The following CADPS2 variants were observed in gnomAD, a reference collection of about 807,000 sequenced individuals.
CADPS2 encodes the protein calcium-dependent secretion activator 2.
Under a neutral mutation model 172.5 loss-of-function variants are expected in CADPS2, and 93 were observed. The observed-to-expected ratio is 0.54, with a 90% CI of 0.46 to 0.64. The LOEUF (loss-of-function observed/expected upper bound fraction) is 0.64, where lower values mean the gene tolerates loss of function less well. CADPS2 is among the 30% of genes least tolerant of loss of function. The probability of loss-of-function intolerance (pLI) is 0.00; values close to 1 mark genes in which losing one functional copy is unlikely to be tolerated. For synonymous variants in CADPS2, 546 were observed against 555.2 expected, an observed-to-expected ratio of 0.98 and a Z score of 0.23; for missense variants, 1,420 against 1,565.9, an observed-to-expected ratio of 0.91 and a Z score of 1.57.
chr7:122,604,575 T>C (rs2073243937), intron 6 of CADPS2, among the ~76,000 whole-genome samples: 1 of 152,088 alleles, frequency 6.6e-6, no homozygotes, highest in Non-Finnish European at 1.5e-5. Context: ...ATGACAACAC[T>C]AAAGTCTTTA....
At chr7:122,648,025 C>G (rs2078746172) in intron 3 of CADPS2, among the ~76,000 whole-genome samples, 2 of 152,096 alleles carry the variant, frequency 1.3e-5, no homozygotes, top group South Asian at 4.1e-4. Context: ...AGGAGTCTGC[C>G]CTTATCAAAG....
chr7:122,647,082 T>G (rs2078641282), intron 3 of CADPS2, among the ~76,000 whole-genome samples: 1 of 152,122 alleles, frequency 6.6e-6, no homozygotes, highest in African/African-American at 2.4e-5. Context: ...TTTCAGAAGT[T>G]TCATATCCAT....
In CADPS2 at chr7:122,731,775, T is replaced by C. The variant is rs535134834; in HGVS notation, c.453+5180A>G. On this transcript the variant is annotated intron_variant, in intron 2 of 29. Coordinates refer to ENST00000449022, the MANE Select transcript of CADPS2 (RefSeq NM_017954.11). Reference sequence around the variant, plus strand: ...TCAAGATTATAACTGCCAACTTTTATTAAGTAGTTAGGTATGCTACCTGCC... The same window carrying C: ...TCAAGATTATAACTGCCAACTTTTACTAAGTAGTTAGGTATGCTACCTGCC... 1.4e-4 allele frequency among the ~76,000 whole-genome samples: 21 copies of C among 151,884 alleles called. No individual in the cohort carries two copies. In the South Asian group the frequency reaches 4.3e-3, roughly 31 times the overall value.
At chr7:122,757,891 A>G (rs147324569) in intron 1 of CADPS2, among the ~76,000 whole-genome samples, 9 of 149,856 alleles carry the variant, frequency 6.0e-5, no homozygotes, top group African/African-American at 1.5e-4. Context: ...GTTTTTCTGC[A>G]TATATTCACA....
intron 20 of CADPS2, among the ~76,000 whole-genome samples, chr7:122,400,329 T>A (rs1285322793): frequency 6.6e-6 from 1 of 151,662 alleles, no homozygotes; most frequent in Non-Finnish European, 1.5e-5. Flanking sequence ...CCCAGCTACT[T>A]GGGAGGCTGA....
chr7:122,781,402 CTT>C lies in CADPS2; in HGVS notation c.340-44336_340-44335del, dbSNP rs1474567608. Among the ~76,000 whole-genome samples the C allele has an allele frequency of 1.2e-4, 18 of 152,248 alleles. 1 individual carries two copies. In the South Asian group the frequency reaches 3.5e-3, roughly 30 times the overall value. Reference sequence around the variant, plus strand: ...TATTTGACAAACTCAAATATTTTCTCTTTCACAGTTTGTGTTTCTACTAGCCC... The same window carrying C: ...TATTTGACAAACTCAAATATTTTCTCTCACAGTTTGTGTTTCTACTAGCCC... On this transcript the variant is annotated intron_variant, in intron 1 of 29. Coordinates refer to ENST00000449022, the MANE Select transcript of CADPS2 (RefSeq NM_017954.11).
chr7:122,400,608 T>C (rs2045830978), intron 20 of CADPS2, among the ~76,000 whole-genome samples: 1 of 152,202 alleles, frequency 6.6e-6, no homozygotes, highest in Non-Finnish European at 1.5e-5. Flanking sequence ...CCATTTTGAA[T>C]CCAATCAACT....
chr7:122,336,513 G>C (rs954339407), intron 28 of CADPS2, among the ~76,000 whole-genome samples: 2 of 152,150 alleles, frequency 1.3e-5, no homozygotes, highest in Non-Finnish European at 2.9e-5. Context: ...TCTACATATA[G>C]AGGTCAGAAT....
intron 7 of CADPS2, among the ~76,000 whole-genome samples, chr7:122,567,722 T>C (rs1391436000): frequency 6.6e-6 from 1 of 152,126 alleles, no homozygotes; most frequent in Admixed American, 6.6e-5. Context: ...ATTGTAAGGT[T>C]CTTAAATATA....
At chr7:122,428,778 T>C (rs1020481219) in intron 17 of CADPS2, among the ~76,000 whole-genome samples, 1 of 152,104 alleles carries the variant, frequency 6.6e-6, no homozygotes, top group African/African-American at 2.4e-5. Context: ...AGAGTATACA[T>C]TTTTAAATAG....
At chr7:122,768,938 T>C (rs1300780277) in intron 1 of CADPS2, among the ~76,000 whole-genome samples, 1 of 151,674 alleles carries the variant, frequency 6.6e-6, no homozygotes, top group Non-Finnish European at 1.5e-5. Context: ...CAGCATATGC[T>C]GCTAAGTGCC....
At chr7:122,880,154 T>C (rs1184208771) in intron 1 of CADPS2, among the ~76,000 whole-genome samples, 1 of 152,190 alleles carries the variant, frequency 6.6e-6, no homozygotes, top group Non-Finnish European at 1.5e-5. Flanking sequence ...CAGTTAGGAA[T>C]TACTGAGTGT....
At chr7:122,458,733 C>G (rs1416103691) in intron 14 of CADPS2, among the ~76,000 whole-genome samples, 3 of 151,966 alleles carry the variant, frequency 2.0e-5, no homozygotes, top group African/African-American at 7.3e-5. Context: ...GGTGAATAGG[C>G]CAAGGACCAA....
At chr7:122,499,103 T>A (rs1046161623) in intron 9 of CADPS2, among the ~76,000 whole-genome samples, 1 of 152,214 alleles carries the variant, frequency 6.6e-6, no homozygotes, top group Non-Finnish European at 1.5e-5. Context: ...ATTCTTTAAG[T>A]ACAAGCTAAC....
At chr7:122,418,217 A>G (rs185323608) in intron 17 of CADPS2, among the ~76,000 whole-genome samples, 140 of 152,210 alleles carry the variant, frequency 9.2e-4, no homozygotes, top group Non-Finnish European at 1.8e-3. Flanking sequence ...ATTATGTGTC[A>G]GGCACAAGCC....
intron 24 of CADPS2, among the ~76,000 whole-genome samples, chr7:122,384,741 T>C (rs2043421168): frequency 6.6e-6 from 1 of 152,106 alleles, no homozygotes; most frequent in South Asian, 2.1e-4. Flanking sequence ...GGTGCACACA[T>C]AATGAACAGT....
chr7:122,322,984 T>C (rs1052311164), intron 29 of CADPS2, among the ~76,000 whole-genome samples: 2 of 152,156 alleles, frequency 1.3e-5, no homozygotes, highest in Admixed American at 6.5e-5. Context: ...GGAAGGAAAG[T>C]CTGGTTATGG....
intron 11 of CADPS2, among the ~76,000 whole-genome samples, chr7:122,482,451 T>C (rs2057402735): frequency 6.6e-6 from 1 of 152,122 alleles, no homozygotes; most frequent in Non-Finnish European, 1.5e-5. Flanking sequence ...CAAATAATTA[T>C]CTAGCCCAAA....
intron 1 of CADPS2, among the ~76,000 whole-genome samples, chr7:122,825,220 A>C (rs1804535676): frequency 6.6e-6 from 1 of 152,212 alleles, no homozygotes; most frequent in Non-Finnish European, 1.5e-5. Context: ...TTTACTGTTG[A>C]TTCAGAAATC....
Sources: allele counts gnomAD v4.1 joint callset (sites outside exome capture counted in the v4.1 genomes callset), GRCh38; gene constraint gnomAD v4.1.1; transcripts MANE v1.5; gene names NCBI Gene and HGNC (gene_info 2026-07-23, HGNC 2026-07-21).